The following TK2 variants were observed in gnomAD, a reference collection of about 807,000 sequenced individuals.
TK2 encodes thymidine kinase 2, mitochondrial.
TK2 carries 35 observed loss-of-function variants against 41.9 expected under a neutral mutation model. That is an observed-to-expected ratio of 0.84 (90% CI 0.64 to 1.11). The LOEUF (loss-of-function observed/expected upper bound fraction) is 1.11. Ranked by LOEUF, TK2 falls within the 50% of genes least tolerant of loss-of-function variation. The probability of loss-of-function intolerance (pLI) is 0.00; values close to 1 mark genes in which losing one functional copy is unlikely to be tolerated. For missense variants in TK2, 320 were observed against 351.1 expected, an observed-to-expected ratio of 0.91 and a Z score of 0.71; for synonymous variants, 128 against 129.1, an observed-to-expected ratio of 0.99 and a Z score of 0.06.
intron 6 of TK2, among the ~76,000 whole-genome samples, chr16:66,519,935 A>T (rs982357246): frequency 9.9e-5 from 15 of 152,236 alleles, no homozygotes; most frequent in Non-Finnish European, 2.9e-5. Context: ...GGCCAAGGGC[A>T]CAAGTAGCCC....
chr16:66,536,131 G>A (rs753594494), intron 4 of TK2, among the ~76,000 whole-genome samples: 3 of 150,810 alleles, frequency 2.0e-5, no homozygotes, highest in Non-Finnish European at 4.4e-5. Context: ...TTGAACCTGG[G>A]AGACAGAGGT....
intron 4 of TK2, among the ~76,000 whole-genome samples, chr16:66,532,267 G>C (rs752634409): frequency 2.6e-5 from 4 of 151,850 alleles, no homozygotes; most frequent in African/African-American, 4.8e-5. Context: ...AACAACCTGA[G>C]AAAGAAATCA....
In TK2 at chr16:66,513,815, C is replaced by A. The variant is rs1964523765; in HGVS notation, c.619-4G>T. 1 of 1,613,854 alleles carries A rather than the reference C, an allele frequency of 6.2e-7. No individual in the cohort carries two copies. Among genetic ancestry groups the A allele is most frequent in the South Asian group, 1.1e-5 (1 of 91,060 alleles). Reference sequence around the variant, plus strand: ...GGTGAATTGCTTCCAGGTATTCCTGCCAGGGAAACACAAGCAGTCTGTCGG... The same window carrying A: ...GGTGAATTGCTTCCAGGTATTCCTGACAGGGAAACACAAGCAGTCTGTCGG... On this transcript the variant is annotated splice_polypyrimidine_tract_variant and splice_region_variant and intron_variant, in intron 8 of 9. Transcript: ENST00000544898.
At chr16:66,520,401 G>C (rs2144366208) in intron 6 of TK2, among the ~76,000 whole-genome samples, 1 of 152,286 alleles carries the variant, frequency 6.6e-6, no homozygotes, top group African/African-American at 2.4e-5. Context: ...CTTTAGGGTA[G>C]GCACAATCGG....
chr16:66,548,763 T>C (rs925523609), intron 2 of TK2: 6 of 570,904 alleles, frequency 1.1e-5, no homozygotes, highest in African/African-American at 7.5e-5. Flanking sequence ...CAAATACTTG[T>C]GTGCTCCTAT....
intron 9 of TK2, among the ~76,000 whole-genome samples, chr16:66,513,097 C>G (rs1964500369): frequency 6.6e-6 from 1 of 152,126 alleles, no homozygotes; most frequent in Non-Finnish European, 1.5e-5. Flanking sequence ...GCTTATTTGT[C>G]TGAGTAAAGA....
intron 1 of TK2, chr16:66,549,536 G>A (rs1965717017): frequency 2.9e-6 from 3 of 1,046,910 alleles, no homozygotes; most frequent in Non-Finnish European, 3.4e-6. Flanking sequence ...GGGAGGGCAG[G>A]AGAGCGCCGG....
rs989570827 is a variant in TK2, at chr16:66,514,264, C to T, written c.619-453G>A. 2.6e-5 allele frequency among the ~76,000 whole-genome samples: 4 copies of T among 152,242 alleles called. No individual in the cohort carries two copies. Among genetic ancestry groups the T allele is most frequent in the Non-Finnish European group, 5.9e-5 (4 of 68,044 alleles). On this transcript the variant is annotated intron_variant, in intron 8 of 9. Coordinates refer to ENST00000544898, the MANE Select transcript of TK2 (RefSeq NM_004614.5). The surrounding 1 kb of genome is among the most constrained non-coding windows in gnomAD (Gnocchi z 4.2). ...CCTGCCAAGTGCCTGGGATTGCAGG[C>T]GCGCACCGCCATGCCTGACTGGTTT... is the stretch of plus-strand genomic sequence containing the variant.
At chr16:66,533,019 C>T (rs1965163819) in intron 4 of TK2, among the ~76,000 whole-genome samples, 1 of 151,962 alleles carries the variant, frequency 6.6e-6, no homozygotes, top group East Asian at 1.9e-4. Context: ...TTCCCACCAA[C>T]TATGTATGAG....
chr16:66,526,461 G>A (rs1357468296), intron 6 of TK2, among the ~76,000 whole-genome samples: 1 of 152,162 alleles, frequency 6.6e-6, no homozygotes, highest in Non-Finnish European at 1.5e-5. Context: ...GAGCCACGAG[G>A]CCGAGCAGAG....
intron 8 of TK2, among the ~76,000 whole-genome samples, chr16:66,515,917 G>GC (rs1964598614): frequency 6.6e-6 from 1 of 152,196 alleles, no homozygotes; most frequent in Non-Finnish European, 1.5e-5. Context: ...CCCCAGTCCA[G>GC]CCTATCCTGA....
intron 6 of TK2, among the ~76,000 whole-genome samples, chr16:66,526,500 A>T (rs1204678964): frequency 6.6e-6 from 1 of 152,240 alleles, no homozygotes; most frequent in Non-Finnish European, 1.5e-5. Flanking sequence ...CTGTAATCCC[A>T]GTACTTTGGG....
intron 6 of TK2, among the ~76,000 whole-genome samples, chr16:66,524,402 C>T (rs544709891): frequency 6.6e-6 from 1 of 152,150 alleles, no homozygotes; most frequent in Non-Finnish European, 1.5e-5. Context: ...GTGGTATGCT[C>T]ATAGCTCACT....
At position 66,515,483 on chromosome 16, in the gene TK2, C is replaced by T. The variant is rs76005605; in HGVS notation, c.618+1653G>A. On this transcript the variant is annotated intron_variant, in intron 8 of 9. Coordinates refer to ENST00000544898, the MANE Select transcript of TK2 (RefSeq NM_004614.5). ...CTGCATGCCAGGCAGAGCAGATACTCGTGCTCTCCCAGGCACAGAGTGGGA... is the reference window on the plus strand; with the variant it reads ...CTGCATGCCAGGCAGAGCAGATACTTGTGCTCTCCCAGGCACAGAGTGGGA... 7.7e-3 allele frequency among the ~76,000 whole-genome samples: 1,180 copies of T among 152,382 alleles called. 46 individuals are homozygous for T. Among genetic ancestry groups the T allele is most frequent in the Admixed American group, 0.059 (897 of 15,310 alleles).
chr16:66,511,857 A>G lies in TK2; in HGVS notation c.*111T>C. 1 of 885,920 alleles carries G rather than the reference A, an allele frequency of 1.1e-6. No individual in the cohort carries two copies. The highest frequency in any genetic ancestry group is 1.9e-6 in the Non-Finnish European group (1 of 534,566). The allele number at this position is 885,920 out of a possible 1,614,324, so 54.9% of individuals were successfully genotyped here. On this transcript the variant is annotated 3_prime_UTR_variant, in exon 10 of 10. Coordinates refer to ENST00000544898, the MANE Select transcript of TK2 (RefSeq NM_004614.5). ...GGAGATGAGACCATTAGGAAAATCA[A>G]GCTGGCCAGACACAAAGCCCTCCTG... is the stretch of plus-strand genomic sequence containing the variant.
chr16:66,549,955 C>T lies in TK2; in HGVS notation c.107G>A (p.Arg36His), dbSNP rs550285865. 8 of 1,446,554 alleles carry T rather than the reference C, an allele frequency of 5.5e-6. No individual in the cohort carries two copies. In the African/African-American group the frequency reaches 8.9e-5, roughly 16 times the overall value. The allele number at this position is 1,446,554 out of a possible 1,614,324, so 89.6% of individuals were successfully genotyped here. ...ASGPGPRRVQ[R>H]RAWPPDKEQE... ...CGCGTTACCGGGAGGCCAGGCCCGGCGCTGCACCCTCCGCGGCCCGGGGCC... is the reference window on the plus strand; with the variant it reads ...CGCGTTACCGGGAGGCCAGGCCCGGTGCTGCACCCTCCGCGGCCCGGGGCC... Residue 36 changes from arginine to histidine, a missense_variant, in exon 1 of 10, where the codon CGC becomes CAC. By Grantham distance (29) the Arg-to-His change is conservative. Transcript: ENST00000544898.
chr16:66,541,966 G>C lies in TK2; in HGVS notation c.157-13C>G. The C allele has an allele frequency of 6.2e-7, 1 of 1,613,838 alleles. No homozygotes were observed. Among genetic ancestry groups the C allele is most frequent in the Non-Finnish European group, 8.5e-7 (1 of 1,179,828 alleles). Reference sequence around the variant, plus strand: ...CCTCGACACAGATCTGGCAAAAGACGAATGCATATTAGAGCCAGAACTCAA... The same window carrying C: ...CCTCGACACAGATCTGGCAAAAGACCAATGCATATTAGAGCCAGAACTCAA... On this transcript the variant is annotated splice_polypyrimidine_tract_variant and intron_variant, in intron 2 of 9. Transcript: ENST00000544898.
chr16:66,520,141 G>A (rs1201358640), intron 6 of TK2, among the ~76,000 whole-genome samples: 1 of 152,294 alleles, frequency 6.6e-6, no homozygotes. Context: ...GGACGGCCAG[G>A]ACTCCCAGAA....
At chr16:66,538,254 G>A (rs938537433) in intron 3 of TK2, among the ~76,000 whole-genome samples, 3 of 152,094 alleles carry the variant, frequency 2.0e-5, no homozygotes, top group Non-Finnish European at 2.9e-5. Flanking sequence ...CTTTGCTTAC[G>A]TTGTTTCTTC....
Sources: gnomAD v4.1 joint callset for allele counts (sites outside exome capture counted in the v4.1 genomes callset) on GRCh38, gnomAD v4.1.1 for gene constraint, Gnocchi (gnomAD v3.1) non-coding constraint, MANE v1.5 for transcripts, NCBI Gene and HGNC (gene_info 2026-07-23, HGNC 2026-07-21) for gene names.